Variants in FAM135B observed in about 807,000 individuals in gnomAD.
FAM135B encodes the protein protein FAM135B.
FAM135B carries 43 observed loss-of-function variants against 127.7 expected under a neutral mutation model. The observed-to-expected ratio is 0.34, with a 90% confidence interval of 0.26 to 0.43. The LOEUF is 0.43. Among genes scored for constraint, FAM135B ranks in the 20% least tolerant of loss-of-function variants. The pLI, the probability that FAM135B is intolerant of heterozygous loss-of-function variation, is 1.00. For synonymous variants in FAM135B, 670 were observed against 665.1 expected (o/e 1.01, Z -0.11); for missense variants, 1,558 against 1,725.6 (o/e 0.90, Z 1.72).
At chr8:138,157,029 T>C (rs1818826342) in intron 12 of FAM135B, among the ~76,000 whole-genome samples, 1 of 152,094 alleles carries the variant, frequency 6.6e-6, no homozygotes, top group South Asian at 2.1e-4. Context: ...CTGATAAACA[T>C]CAATGCAAAA....
intron 1 of FAM135B, among the ~76,000 whole-genome samples, chr8:138,370,215 A>T (rs2131230228): frequency 6.6e-6 from 1 of 152,242 alleles, no homozygotes. Flanking sequence ...TTTAGAAGAC[A>T]ATATTTAACG....
intron 7 of FAM135B, among the ~76,000 whole-genome samples, chr8:138,214,527 T>A (rs1818398092): frequency 6.6e-6 from 1 of 152,218 alleles, no homozygotes; most frequent in African/African-American, 2.4e-5. Context: ...TGATAAGTGC[T>A]ATGATAAATT....
Position 138,459,264 on chromosome 8 carries a change from T to C in FAM135B, c.-20+37407A>G, listed in dbSNP as rs1244231553. ...GGGCAGTAAGAGCATTTGTTGGTAC[T>C]TCTCCAGAACCACTTTTCACAATTG... On this transcript the variant is annotated intron_variant, in intron 1 of 19. Transcript: ENST00000395297. 2.0e-5 allele frequency: 3 copies of C among 152,220 alleles called. No homozygotes were observed. In the East Asian group the frequency reaches 5.8e-4, roughly 29 times the overall value. The allele number at this position is 152,220 out of a possible 1,614,324, so 9.4% of individuals were successfully genotyped here.
chr8:138,474,383 T>C (rs929850291), intron 1 of FAM135B, among the ~76,000 whole-genome samples: 1 of 152,176 alleles, frequency 6.6e-6, no homozygotes, highest in African/African-American at 2.4e-5. Flanking sequence ...TTATGATACA[T>C]GTTTGTAAGG....
chr8:138,255,133 A>T (rs866852981), intron 5 of FAM135B, among the ~76,000 whole-genome samples: 7 of 151,082 alleles, frequency 4.6e-5, no homozygotes, highest in South Asian at 2.1e-4. Flanking sequence ...GGGCTCAAGC[A>T]ATCTTTCCAC....
In FAM135B at chr8:138,212,171, G is replaced by A. The variant is rs866704977; in HGVS notation, c.670-14502C>T. ...ATGTAACCATGGTGCTTAAGGGAGA[G>A]TCTGACAAAGGATGGACACCTGGCA... On this transcript the variant is annotated intron_variant, in intron 7 of 19. Coordinates refer to ENST00000395297, the MANE Select transcript of FAM135B (RefSeq NM_015912.4). Among the ~76,000 whole-genome samples the A allele has an allele frequency of 2.6e-5, 4 of 152,338 alleles. No homozygotes were observed. In the South Asian group the frequency reaches 6.2e-4, roughly 24 times the overall value.
chr8:138,339,929 C>G (rs748295975), intron 2 of FAM135B, among the ~76,000 whole-genome samples: 2 of 152,156 alleles, frequency 1.3e-5, no homozygotes, highest in Non-Finnish European at 2.9e-5. Context: ...TCCCCACCCC[C>G]ATCCGGTCCA....
At chr8:138,379,559 C>T (rs1274688654) in intron 1 of FAM135B, among the ~76,000 whole-genome samples, 1 of 152,108 alleles carries the variant, frequency 6.6e-6, no homozygotes, top group African/African-American at 2.4e-5. Context: ...CTGGATGAAG[C>T]TGAGTTGCTA....
intron 1 of FAM135B, among the ~76,000 whole-genome samples, chr8:138,442,267 T>TATATATATATATAA (rs34280434): frequency 1.2e-5 from 1 of 86,750 alleles, no homozygotes; most frequent in Non-Finnish European, 2.4e-5. Flanking sequence ...TATATATATA[T>TATATATATATATAA]ATATATATAT....
At chr8:138,246,255 C>G (rs972304988) in intron 6 of FAM135B, among the ~76,000 whole-genome samples, 3 of 152,148 alleles carry the variant, frequency 2.0e-5, no homozygotes, top group African/African-American at 7.2e-5. Context: ...TGTTAATCAC[C>G]AAGGAAATGG....
At chr8:138,485,027 C>A (rs1814931416) in intron 1 of FAM135B, among the ~76,000 whole-genome samples, 1 of 152,214 alleles carries the variant, frequency 6.6e-6, no homozygotes, top group African/African-American at 2.4e-5. Context: ...CCCCTTGCAA[C>A]AACACCTCAG....
In FAM135B at chr8:138,152,782, T is replaced by C; in HGVS notation, c.1693A>G (p.Arg565Gly). The C allele has an allele frequency of 6.2e-7, 1 of 1,614,216 alleles. No individual in the cohort carries two copies. Among genetic ancestry groups the C allele is most frequent in the Admixed American group, 1.7e-5 (1 of 60,026 alleles). The change falls in exon 13 of 20, where the codon AGA becomes GGA. Residue 565 changes from arginine to glycine, a missense_variant. Physicochemically the swap from Arg to Gly is moderately radical, Grantham distance 125 (BLOSUM62 -2). This residue lies in a region of FAM135B where 923 missense variants were observed against 865.3 expected (regional missense o/e 1.07). Transcript: ENST00000395297. ...DVKSSNKNPS[R>G]AEPLVAFNAQ... Reference sequence around the variant, plus strand: ...TTGAAGGCCACCAGGGGTTCAGCTCTGGAGGGGTTCTTATTGCTAGATTTT... The same window carrying C: ...TTGAAGGCCACCAGGGGTTCAGCTCCGGAGGGGTTCTTATTGCTAGATTTT...
At chr8:138,445,158 T>C (rs1479185853) in intron 1 of FAM135B, among the ~76,000 whole-genome samples, 4 of 152,162 alleles carry the variant, frequency 2.6e-5, no homozygotes, top group African/African-American at 9.7e-5. Context: ...GAGGCAATAA[T>C]TAATAGCTTA....
intron 4 of FAM135B, among the ~76,000 whole-genome samples, chr8:138,262,087 A>G (rs1822577932): frequency 1.3e-5 from 2 of 152,224 alleles, no homozygotes; most frequent in African/African-American, 4.8e-5. Context: ...TTACAGAGAA[A>G]AGAAATTTGA....
At chr8:138,378,888 G>T (rs189889920) in intron 1 of FAM135B, among the ~76,000 whole-genome samples, 2 of 152,216 alleles carry the variant, frequency 1.3e-5, no homozygotes, top group East Asian at 3.9e-4. Context: ...CTCATAAAAA[G>T]ATAACTGACT....
intron 10 of FAM135B, 136 bp downstream of exon 10, chr8:138,178,399 C>A (rs759184319): frequency 4.1e-6 from 4 of 964,728 alleles, no homozygotes; most frequent in Non-Finnish European, 6.2e-6. Context: ...CAACGCCACC[C>A]TGCACGGTCA....
intron 11 of FAM135B, among the ~76,000 whole-genome samples, chr8:138,173,716 A>G (rs1586681646): frequency 6.6e-6 from 1 of 152,236 alleles, no homozygotes; most frequent in African/African-American, 2.4e-5. Context: ...ATTCCTTTTG[A>G]AAAGTTAAAA....
intron 2 of FAM135B, among the ~76,000 whole-genome samples, chr8:138,332,661 T>C (rs561019454): frequency 6.6e-6 from 1 of 151,892 alleles, no homozygotes; most frequent in Non-Finnish European, 1.5e-5. Flanking sequence ...CAGGGGCGTG[T>C]GGTGCATTTA....
chr8:138,429,330 G>A (rs1235350698), intron 1 of FAM135B, among the ~76,000 whole-genome samples: 1 of 152,110 alleles, frequency 6.6e-6, no homozygotes, highest in Non-Finnish European at 1.5e-5. Context: ...GTATATGATA[G>A]GTGGTTAATA....
Sources: allele counts gnomAD v4.1 joint callset (sites outside exome capture counted in the v4.1 genomes callset), GRCh38; gene constraint gnomAD v4.1.1; regional missense constraint gnomAD v4.1.1; transcripts MANE v1.5; gene names NCBI Gene and HGNC (gene_info 2026-07-23, HGNC 2026-07-21).